The following CACNA1E variants were observed in gnomAD, a reference collection of about 807,000 sequenced individuals.
CACNA1E encodes the protein calcium voltage-gated channel subunit alpha1 E, also known as voltage-dependent R-type calcium channel subunit alpha-1E.
In CACNA1E, 40 loss-of-function variants were observed where a neutral mutation model predicts 259.2. The observed-to-expected ratio is 0.15, with a 90% CI of 0.12 to 0.20. The LOEUF (loss-of-function observed/expected upper bound fraction) is 0.20, where lower values mean the gene tolerates loss of function less well. Ranked by LOEUF, CACNA1E falls within the 10% of genes least tolerant of loss-of-function variation. The probability of loss-of-function intolerance (pLI) is 1.00; values close to 1 mark genes in which losing one functional copy is unlikely to be tolerated. For missense variants in CACNA1E, 1,874 were observed against 3,040.1 expected (o/e 0.62, Z 9.02); for synonymous variants, 1,104 against 1,138.5 (o/e 0.97, Z 0.61).
At chr1:181,528,402 G>T (rs888769686) in intron 3 of CACNA1E, among the ~76,000 whole-genome samples, 1 of 152,156 alleles carries the variant, frequency 6.6e-6, no homozygotes, top group African/African-American at 2.4e-5. Context: ...TTTATCAGCA[G>T]CATGAAAACA....
chr1:181,374,264 A>T (rs373891044), intron 1 of CACNA1E, among the ~76,000 whole-genome samples: 1 of 152,090 alleles, frequency 6.6e-6, no homozygotes, highest in Non-Finnish European at 1.5e-5. Context: ...TCTTTACCCA[A>T]TGGTCATTGA....
intron 3 of CACNA1E, among the ~76,000 whole-genome samples, chr1:181,551,487 G>A (rs1008760626): frequency 6.6e-6 from 1 of 152,194 alleles, no homozygotes; most frequent in Non-Finnish European, 1.5e-5. Context: ...TTGCTGCGGT[G>A]TTGAAATCTT....
intron 1 of CACNA1E, among the ~76,000 whole-genome samples, chr1:181,379,216 T>C (rs1432632860): frequency 6.6e-6 from 1 of 152,154 alleles, no homozygotes; most frequent in East Asian, 1.9e-4. Flanking sequence ...ATTAGTAAGC[T>C]GTGGAACAAC....
chr1:181,513,431 A>AT (rs1195359147), intron 3 of CACNA1E, among the ~76,000 whole-genome samples: 4 of 152,194 alleles, frequency 2.6e-5, no homozygotes, highest in Admixed American at 1.3e-4. Context: ...CTTGCTTCTC[A>AT]TTTTTGCAGT....
chr1:181,649,379 CAA>C (rs111445921), intron 6 of CACNA1E, among the ~76,000 whole-genome samples: 2 of 140,140 alleles, frequency 1.4e-5, no homozygotes, highest in Admixed American at 7.1e-5. Flanking sequence ...AGTGTAGGGG[CAA>C]AAAAAAAAAG....
chr1:181,719,656 C>T (rs1558303857), intron 12 of CACNA1E, 95 bp from the exon 13 acceptor site: 1 of 588,500 alleles, frequency 1.7e-6, no homozygotes. Flanking sequence ...TTTCCCCATC[C>T]CCCACTGAGA....
chr1:181,338,112 G>A (rs955581984), intron 1 of CACNA1E, among the ~76,000 whole-genome samples: 1 of 152,152 alleles, frequency 6.6e-6, no homozygotes, highest in Non-Finnish European at 1.5e-5. Flanking sequence ...GTGAGATGGA[G>A]TCTCGTGCTC....
chr1:181,412,772 G>A (rs1657952372), intron 1 of CACNA1E, among the ~76,000 whole-genome samples: 1 of 152,166 alleles, frequency 6.6e-6, no homozygotes, highest in Admixed American at 6.5e-5. Context: ...TCTCCTTATT[G>A]CAGCACCTCT....
intron 2 of CACNA1E, among the ~76,000 whole-genome samples, chr1:181,461,410 G>A (rs999234047): frequency 5.3e-5 from 8 of 151,754 alleles, no homozygotes; most frequent in Middle Eastern, 3.4e-3. Flanking sequence ...GCGTGGTGGC[G>A]GGCGCCTGTA....
intron 12 of CACNA1E, 25 bp downstream of exon 12, chr1:181,718,192 G>C (rs1654080891): frequency 3.3e-6 from 4 of 1,216,860 alleles, no homozygotes; most frequent in African/African-American, 1.5e-5. Context: ...GCCTGCCTCT[G>C]CTCCTGCTTC....
chr1:181,457,725 C>T (rs1258477343), intron 2 of CACNA1E, among the ~76,000 whole-genome samples: 1 of 152,240 alleles, frequency 6.6e-6, no homozygotes, highest in Non-Finnish European at 1.5e-5. Context: ...CTTACCTGCT[C>T]ACCAGTCAGG....
chr1:181,459,474 A>C (rs1026944141), intron 2 of CACNA1E, among the ~76,000 whole-genome samples: 2 of 152,234 alleles, frequency 1.3e-5, no homozygotes, highest in Non-Finnish European at 2.9e-5. Context: ...GGCCAGTGCC[A>C]AGTAAACCAG....
chr1:181,396,701 T>G (rs985217855), intron 1 of CACNA1E, among the ~76,000 whole-genome samples: 19 of 152,054 alleles, frequency 1.2e-4, no homozygotes, highest in African/African-American at 4.4e-4. Flanking sequence ...TGGTCCTGAG[T>G]AGAACAATGT....
rs1662165075 is a variant in CACNA1E, at chr1:181,800,113, C to T, written c.*1279C>T. On this transcript the variant is annotated 3_prime_UTR_variant, in exon 48 of 48. Transcript: ENST00000367573. ...AGTCTGGATTTACTGAGGACCTCCC[C>T]TGAGGAGGGACCGTTGGGACCGCAG... 6.5e-6 allele frequency: 1 copy of T among 152,842 alleles called. No homozygotes were observed. Among genetic ancestry groups the T allele is most frequent in the Admixed American group, 6.5e-5 (1 of 15,290 alleles). The allele number at this position is 152,842 out of a possible 1,614,324, so 9.5% of individuals were successfully genotyped here.
At chr1:181,787,876 G>GT (rs1199479585) in intron 43 of CACNA1E, among the ~76,000 whole-genome samples, 4 of 152,198 alleles carry the variant, frequency 2.6e-5, no homozygotes, top group Non-Finnish European at 5.9e-5. Context: ...CAGGGGATGT[G>GT]TTAAGTTATG....
At chr1:181,400,710 G>A (rs896675454) in intron 1 of CACNA1E, among the ~76,000 whole-genome samples, 3 of 152,128 alleles carry the variant, frequency 2.0e-5, no homozygotes, top group African/African-American at 7.2e-5. Flanking sequence ...TTAGGGATAG[G>A]GAGTGGCCAT....
intron 3 of CACNA1E, among the ~76,000 whole-genome samples, chr1:181,548,161 G>C (rs1572171701): frequency 7.3e-6 from 1 of 136,648 alleles, no homozygotes; most frequent in Admixed American, 8.0e-5. Flanking sequence ...GTCTCATTCT[G>C]TCACCCAGGC....
At chr1:181,422,969 A>G (rs1658866346) in intron 2 of CACNA1E, among the ~76,000 whole-genome samples, 1 of 152,198 alleles carries the variant, frequency 6.6e-6, no homozygotes, top group African/African-American at 2.4e-5. Context: ...TGCAACTCCA[A>G]ATAAAAGTAG....
chr1:181,340,512 G>A (rs4652651), intron 1 of CACNA1E, among the ~76,000 whole-genome samples: 60,841 of 151,728 alleles, frequency 0.4, 12,462 homozygotes, highest in Non-Finnish European at 0.44. Flanking sequence ...ATAAATTTAC[G>A]TCTTTATGAT....
Sources: gnomAD v4.1 joint callset for allele counts (sites outside exome capture counted in the v4.1 genomes callset) on GRCh38, gnomAD v4.1.1 for gene constraint, MANE v1.5 for transcripts, NCBI Gene and HGNC (gene_info 2026-07-23, HGNC 2026-07-21) for gene names.